The following KLHL29 variants were observed in gnomAD, a reference collection of about 807,000 sequenced individuals.
KLHL29 encodes the protein kelch like family member 29, also known as kelch-like protein 29.
A neutral mutation model predicts 80.4 loss-of-function variants in KLHL29; 21 were observed. The observed-to-expected ratio is 0.26, with a 90% CI of 0.19 to 0.38. KLHL29 has a LOEUF of 0.38. Ranked by LOEUF, KLHL29 falls within the 10% of genes least tolerant of loss-of-function variation. The probability of loss-of-function intolerance (pLI) is 1.00; values close to 1 mark genes in which losing one functional copy is unlikely to be tolerated. For synonymous variants in KLHL29, 511 were observed against 526.8 expected (o/e 0.97, Z 0.41); for missense variants, 867 against 1,223.9 (o/e 0.71, Z 4.35).
intron 2 of KLHL29, among the ~76,000 whole-genome samples, chr2:23,557,074 A>G (rs996985326): frequency 5.3e-5 from 8 of 152,192 alleles, no homozygotes; most frequent in Non-Finnish European, 8.8e-5. Context: ...CCTGCCAGGA[A>G]AGGGGGCTCA....
chr2:23,671,357 C>T (rs1670752911), intron 5 of KLHL29, among the ~76,000 whole-genome samples: 1 of 152,044 alleles, frequency 6.6e-6, no homozygotes. Flanking sequence ...CACTCCTTCT[C>T]TGAGCCGGCC....
Position 23,503,579 on chromosome 2 carries a change from C to T in KLHL29, c.-46+27912C>T, listed in dbSNP as rs976405960. The stretch of plus-strand genomic sequence containing the variant: ...CTGCCGCTACACACCACGAGCCCAC[C>T]GAGACTGCTGCAGCCTCGCTCATCC... On this transcript the variant is annotated intron_variant, in intron 2 of 13. Coordinates refer to ENST00000486442, the MANE Select transcript of KLHL29 (RefSeq NM_052920.2). The surrounding 1 kb of genome is among the most constrained non-coding windows in gnomAD (Gnocchi z 4.0). Among the ~76,000 whole-genome samples the T allele has an allele frequency of 4.6e-5, 7 of 152,268 alleles. No individual in the cohort carries two copies. Among genetic ancestry groups the T allele is most frequent in the African/African-American group, 1.4e-4 (6 of 41,550 alleles).
intron 2 of KLHL29, among the ~76,000 whole-genome samples, chr2:23,544,026 C>T (rs1202515411): frequency 6.6e-6 from 1 of 152,198 alleles, no homozygotes; most frequent in Admixed American, 6.5e-5. Flanking sequence ...TTCCCCATGG[C>T]CGCTGGCAAA....
chr2:23,643,220 C>CACA (rs1553349212), intron 5 of KLHL29: 2 of 414,040 alleles, frequency 4.8e-6, no homozygotes, highest in Admixed American at 7.1e-5. Context: ...CTCAGGGCAC[C>CACA]GCAGAACAGT....
At chr2:23,389,470 T>G (rs1666265726) in intron 1 of KLHL29, among the ~76,000 whole-genome samples, 1 of 152,176 alleles carries the variant, frequency 6.6e-6, no homozygotes, top group African/African-American at 2.4e-5. Flanking sequence ...GTCAACTAAG[T>G]GCCTACTTGG....
At chr2:23,509,327 G>C (rs566496699) in intron 2 of KLHL29, among the ~76,000 whole-genome samples, 2 of 152,196 alleles carry the variant, frequency 1.3e-5, no homozygotes, top group Non-Finnish European at 1.5e-5. Flanking sequence ...GGGGTGATGG[G>C]GCTGGCTGCC....
intron 1 of KLHL29, among the ~76,000 whole-genome samples, chr2:23,419,485 G>A (rs1191948864): frequency 6.6e-6 from 1 of 152,176 alleles, no homozygotes; most frequent in African/African-American, 2.4e-5. Flanking sequence ...GTACACATGT[G>A]ACTTTCCTCC....
chr2:23,656,122 G>A (rs1031485153), intron 5 of KLHL29, among the ~76,000 whole-genome samples: 1 of 152,202 alleles, frequency 6.6e-6, no homozygotes, highest in Non-Finnish European at 1.5e-5. Context: ...GGACCCCAGC[G>A]CCTCTTGGAA....
chr2:23,637,610 G>A (rs1032925995), intron 3 of KLHL29, among the ~76,000 whole-genome samples: 1 of 152,154 alleles, frequency 6.6e-6, no homozygotes, highest in African/African-American at 2.4e-5. Flanking sequence ...AATGGGATAC[G>A]GCTCCCGTTC....
chr2:23,546,568 A>G (rs991710378), intron 2 of KLHL29, among the ~76,000 whole-genome samples: 2 of 152,150 alleles, frequency 1.3e-5, no homozygotes, highest in Non-Finnish European at 2.9e-5. Context: ...CTCTACTCCC[A>G]TGAGAAAAGC....
chr2:23,664,047 T>C (rs1670490787), intron 5 of KLHL29, among the ~76,000 whole-genome samples: 1 of 152,220 alleles, frequency 6.6e-6, no homozygotes, highest in African/African-American at 2.4e-5. Context: ...ATAACATCAA[T>C]ATGCGCTTAT....
chr2:23,601,830 T>C (rs971147113), intron 3 of KLHL29, among the ~76,000 whole-genome samples: 1 of 152,128 alleles, frequency 6.6e-6, no homozygotes, highest in Non-Finnish European at 1.5e-5. Flanking sequence ...CCGAGCATGT[T>C]GTTATTCATG....
chr2:23,427,593 G>A (rs147103685), intron 1 of KLHL29, among the ~76,000 whole-genome samples: 6 of 152,282 alleles, frequency 3.9e-5, no homozygotes, highest in African/African-American at 7.2e-5. Flanking sequence ...ACCTTTCAGC[G>A]CCTGCGGACA....
intron 1 of KLHL29, among the ~76,000 whole-genome samples, chr2:23,414,274 C>A (rs1313862213): frequency 6.6e-6 from 1 of 151,640 alleles, no homozygotes; most frequent in Non-Finnish European, 1.5e-5. Flanking sequence ...CGGCCCCCTG[C>A]AGGGAAGGTT....
At chr2:23,631,105 C>T (rs1478900294) in intron 3 of KLHL29, among the ~76,000 whole-genome samples, 4 of 152,172 alleles carry the variant, frequency 2.6e-5, no homozygotes, top group Non-Finnish European at 5.9e-5. Flanking sequence ...AGGCCTGGGG[C>T]CCAGACGGGT....
intron 3 of KLHL29, among the ~76,000 whole-genome samples, chr2:23,574,763 C>A (rs1445925651): frequency 6.6e-6 from 1 of 152,128 alleles, no homozygotes; most frequent in Admixed American, 6.5e-5. Context: ...TGAATGAATA[C>A]CCACCATGGG....
At chr2:23,551,627 T>C (rs550724760) in intron 2 of KLHL29, among the ~76,000 whole-genome samples, 1 of 152,354 alleles carries the variant, frequency 6.6e-6, no homozygotes, top group Non-Finnish European at 1.5e-5. Flanking sequence ...GAATATGGCT[T>C]TTTCCAAATA....
chr2:23,559,947 C>A (rs1192991142), intron 2 of KLHL29, among the ~76,000 whole-genome samples: 2 of 152,128 alleles, frequency 1.3e-5, no homozygotes, highest in East Asian at 3.9e-4. Flanking sequence ...TGGGAGAGGG[C>A]TGGCATCACA....
At chr2:23,565,638 G>A (rs1016448560) in intron 3 of KLHL29, among the ~76,000 whole-genome samples, 1 of 152,168 alleles carries the variant, frequency 6.6e-6, no homozygotes. Flanking sequence ...AGCCCATTGT[G>A]GAAACAGCTG....
Sources: gnomAD v4.1 joint callset for allele counts (sites outside exome capture counted in the v4.1 genomes callset) on GRCh38, gnomAD v4.1.1 for gene constraint, Gnocchi (gnomAD v3.1) non-coding constraint, MANE v1.5 for transcripts, NCBI Gene and HGNC (gene_info 2026-07-23, HGNC 2026-07-21) for gene names.